The following ARID5B variants were observed in gnomAD, a reference collection of about 807,000 sequenced individuals.
ARID5B encodes the protein AT-rich interactive domain-containing protein 5B.
Under a neutral mutation model 97.2 loss-of-function variants are expected in ARID5B, and 13 were observed. The ratio of observed to expected loss-of-function variants is 0.13; its 90% CI spans 0.09 to 0.21. ARID5B has a LOEUF of 0.21. Ranked by LOEUF, ARID5B falls within the 10% of genes least tolerant of loss-of-function variation. The pLI, the probability that ARID5B is intolerant of heterozygous loss-of-function variation, is 1.00. For missense variants in ARID5B, 1,210 were observed against 1,465.3 expected (o/e 0.83, Z 2.84); for synonymous variants, 556 against 570.3 (o/e 0.97, Z 0.36).
At chr10:62,065,631 G>T (rs1482691415) in intron 7 of ARID5B, among the ~76,000 whole-genome samples, 15 of 152,074 alleles carry the variant, frequency 9.9e-5, no homozygotes, top group African/African-American at 3.6e-4. Flanking sequence ...GGATCACGAG[G>T]TCAGGAGATC....
At chr10:61,915,582 G>A (rs1293947151) in intron 2 of ARID5B, among the ~76,000 whole-genome samples, 3 of 152,160 alleles carry the variant, frequency 2.0e-5, no homozygotes, top group Non-Finnish European at 4.4e-5. Context: ...AGAGATGTCC[G>A]TTTGCCCACT....
rs1324942550 is a variant in ARID5B at position 62,092,532 on chromosome 10, T to C, written c.3069T>C (p.Ile1023=). The C allele has an allele frequency of 6.2e-7, 1 of 1,613,994 alleles. No homozygotes were observed. The highest frequency in any genetic ancestry group is 1.3e-5 in the African/African-American group (1 of 74,892). Reference sequence around the variant, plus strand: ...GCCTGGAGGATTTGGACCTTGTGATTGCAGGGAAAAAGGCCCGGGCAGTGT... The same window carrying C: ...GCCTGGAGGATTTGGACCTTGTGATCGCAGGGAAAAAGGCCCGGGCAGTGT... The part of the protein sequence containing the change: ...KRSLEDLDLV[I]AGKKARAVSP... The change falls in exon 10 of 10, where the codon ATT becomes ATC. Residue 1023 remains isoleucine, a synonymous_variant. Transcript: ENST00000279873.
intron 2 of ARID5B, 74 bp downstream of exon 2, chr10:61,902,487 T>C (rs1343994302): frequency 6.4e-7 from 1 of 1,558,336 alleles, no homozygotes; most frequent in African/African-American, 1.4e-5. Context: ...CAGGGCAAGC[T>C]TGAAAATACT....
At chr10:61,942,140 AGCAAG>A (rs2132799003) in intron 3 of ARID5B, among the ~76,000 whole-genome samples, 1 of 152,356 alleles carries the variant, frequency 6.6e-6, no homozygotes, top group African/African-American at 2.4e-5. Context: ...GAGTATTTAT[AGCAAG>A]GTTTATGTTT....
intron 2 of ARID5B, among the ~76,000 whole-genome samples, chr10:61,920,093 T>C (rs1843985894): frequency 6.6e-6 from 1 of 152,182 alleles, no homozygotes; most frequent in South Asian, 2.1e-4. Flanking sequence ...CATGTCAGAA[T>C]ATTGAGATAT....
intron 3 of ARID5B, among the ~76,000 whole-genome samples, chr10:61,947,625 A>T (rs1240128954): frequency 6.6e-6 from 1 of 152,172 alleles, no homozygotes; most frequent in Non-Finnish European, 1.5e-5. Context: ...TAGGAATAAG[A>T]TTATTCATTT....
intron 4 of ARID5B, chr10:62,049,431 T>C (rs532312855): frequency 1.3e-6 from 2 of 1,550,476 alleles, no homozygotes; most frequent in South Asian, 2.4e-5. Context: ...TCACATGCTG[T>C]AGCTTTCATG....
intron 8 of ARID5B, among the ~76,000 whole-genome samples, chr10:62,073,088 G>A (rs1840086088): frequency 6.6e-6 from 1 of 152,194 alleles, no homozygotes; most frequent in Non-Finnish European, 1.5e-5. Flanking sequence ...ATCTAGTCTG[G>A]AAATGCCCTT....
intron 9 of ARID5B, among the ~76,000 whole-genome samples, chr10:62,087,036 C>T (rs908662745): frequency 2.6e-5 from 4 of 151,916 alleles, no homozygotes; most frequent in Non-Finnish European, 5.9e-5. Flanking sequence ...CGCGGTGGCT[C>T]ACGCCTGTAA....
intron 8 of ARID5B, among the ~76,000 whole-genome samples, chr10:62,073,368 A>C (rs1291463821): frequency 6.6e-6 from 1 of 152,212 alleles, no homozygotes; most frequent in Non-Finnish European, 1.5e-5. Context: ...TCCTCAGTAA[A>C]ATGTTACTTG....
At chr10:62,079,703 TC>T (rs566314633) in intron 8 of ARID5B, among the ~76,000 whole-genome samples, 197 of 152,252 alleles carry the variant, frequency 1.3e-3, no homozygotes, top group African/African-American at 4.4e-3. Flanking sequence ...TCACACACAC[TC>T]CGGGACCATG....
intron 3 of ARID5B, among the ~76,000 whole-genome samples, chr10:61,943,797 T>A (rs997640228): frequency 2.0e-5 from 3 of 151,734 alleles, no homozygotes; most frequent in Non-Finnish European, 4.4e-5. Flanking sequence ...AAATTAATAC[T>A]CCACAAAGAG....
chr10:61,940,854 G>C (rs1844386907), intron 3 of ARID5B, among the ~76,000 whole-genome samples: 1 of 137,938 alleles, frequency 7.2e-6, no homozygotes, highest in South Asian at 2.4e-4. Flanking sequence ...TGTCAAGCCA[G>C]GGGATCCACT....
chr10:62,072,550 T>C (rs147534873), intron 8 of ARID5B, among the ~76,000 whole-genome samples: 23 of 152,300 alleles, frequency 1.5e-4, no homozygotes, highest in African/African-American at 5.1e-4. Flanking sequence ...GCAGAGCCCA[T>C]TTTATGTGTG....
Position 61,902,315 on chromosome 10 carries a change from T to A in ARID5B, c.178T>A (p.Leu60Met). 6.2e-7 allele frequency: 1 copy of A among 1,614,162 alleles called. No individual in the cohort carries two copies. Among genetic ancestry groups the A allele is most frequent in the Non-Finnish European group, 8.5e-7 (1 of 1,180,020 alleles). Reference sequence around the variant, plus strand: ...GATTTGCATAGCGGAGCTCCAGCTGTTGTGGGAAGAGAGGACCAGCCGGCA... The same window carrying A: ...GATTTGCATAGCGGAGCTCCAGCTGATGTGGGAAGAGAGGACCAGCCGGCA... ...DPICIAELQL[L>M]WEERTSRQLL... The change falls in exon 2 of 10, where the codon TTG becomes ATG. Residue 60 changes from leucine (L) to methionine (M), a missense_variant. Leu to Met is a conservative substitution (Grantham distance 15). Coordinates refer to ENST00000279873, the MANE Select transcript of ARID5B (RefSeq NM_032199.3).
intron 4 of ARID5B, among the ~76,000 whole-genome samples, chr10:62,011,532 A>G (rs1474605241): frequency 6.6e-6 from 1 of 152,128 alleles, no homozygotes; most frequent in Non-Finnish European, 1.5e-5. Flanking sequence ...AGTGTCACCT[A>G]TAGGAGCTGA....
intron 4 of ARID5B, among the ~76,000 whole-genome samples, chr10:62,001,646 C>T (rs1229986741): frequency 6.6e-6 from 1 of 151,992 alleles, no homozygotes; most frequent in East Asian, 1.9e-4. Flanking sequence ...GAGGAGATGG[C>T]ATATGATGAT....
intron 8 of ARID5B, among the ~76,000 whole-genome samples, chr10:62,072,256 C>T (rs373392598): frequency 2.0e-5 from 3 of 152,186 alleles, no homozygotes; most frequent in Non-Finnish European, 2.9e-5. Flanking sequence ...AGAGGACACG[C>T]GCTGAAACTG....
chr10:62,002,822 C>G (rs903709041), intron 4 of ARID5B, among the ~76,000 whole-genome samples: 1 of 152,126 alleles, frequency 6.6e-6, no homozygotes, highest in Non-Finnish European at 1.5e-5. Context: ...AGGGGGCCCA[C>G]AGATGAATTT....
Sources: gnomAD v4.1 joint callset for allele counts (sites outside exome capture counted in the v4.1 genomes callset) on GRCh38, gnomAD v4.1.1 for gene constraint, MANE v1.5 for transcripts, NCBI Gene and HGNC (gene_info 2026-07-23, HGNC 2026-07-21) for gene names.